USP10: variants seen among roughly 807,000 people sequenced by gnomAD.
The protein encoded by USP10 is ubiquitin carboxyl-terminal hydrolase 10.
A neutral mutation model predicts 84.5 loss-of-function variants in USP10; 22 were observed. That is an observed-to-expected ratio of 0.26 (90% CI 0.19 to 0.37). The LOEUF is 0.37. Ranked by LOEUF, USP10 falls within the 10% of genes least tolerant of loss-of-function variation. The pLI, the probability that USP10 is intolerant of heterozygous loss-of-function variation, is 1.00. For missense variants in USP10, 1,019 were observed against 998.9 expected (o/e 1.02, Z -0.27); for synonymous variants, 454 against 387.6 (o/e 1.17, Z -2.01).
At chr16:84,767,845 A>G (rs1395575400) in intron 10 of USP10, among the ~76,000 whole-genome samples, 1 of 151,672 alleles carries the variant, frequency 6.6e-6, no homozygotes, top group Non-Finnish European at 1.5e-5. Context: ...TGGCAGGGTC[A>G]TGGGACAATA....
At chr16:84,774,479 T>G (rs181265280) in intron 12 of USP10, among the ~76,000 whole-genome samples, 20 of 151,968 alleles carry the variant, frequency 1.3e-4, no homozygotes, top group South Asian at 4.2e-4. Flanking sequence ...TTTGTTTTTT[T>G]TTTGTTTGTT....
At chr16:84,744,046 T>TTTG (rs141603150) in intron 3 of USP10, among the ~76,000 whole-genome samples, 30,041 of 151,560 alleles carry the variant, frequency 0.2, 3,568 homozygotes, top group East Asian at 0.37. Flanking sequence ...TATAGGATTC[T>TTTG]TTGTTGTTGT....
At chr16:84,700,324 G>A (rs1025494911) in intron 1 of USP10, among the ~76,000 whole-genome samples, 1 of 152,030 alleles carries the variant, frequency 6.6e-6, no homozygotes, top group African/African-American at 2.4e-5. Flanking sequence ...CCTAGTCCCG[G>A]GGAGGTCGAA....
Position 84,769,960 on chromosome 16 carries a change from C to T in USP10, c.1998+1602C>T, listed in dbSNP as rs371901526. ...TGGATGAAGGCTTCCAGAAAGAAGG[C>T]GGGCCAGGTGTGGTGGCTCACGCCC... is the stretch of plus-strand genomic sequence containing the variant. On this transcript the variant is annotated intron_variant, in intron 11 of 13. Transcript: ENST00000219473. Among the ~76,000 whole-genome samples, 218 of 152,136 alleles carry T rather than the reference C, an allele frequency of 1.4e-3. 3 individuals are homozygous for T. Among genetic ancestry groups the T allele is most frequent in the African/African-American group, 4.8e-3 (198 of 41,516 alleles).
intron 4 of USP10, among the ~76,000 whole-genome samples, chr16:84,748,526 G>A (rs4783056): frequency 0.7 from 106,104 of 151,780 alleles, 38,173 homozygotes; most frequent in East Asian, 0.95. Context: ...CTGGTCTTGA[G>A]CTCCTGACCT....
At chr16:84,766,035 A>T (rs1162205680) in intron 10 of USP10, among the ~76,000 whole-genome samples, 1 of 152,080 alleles carries the variant, frequency 6.6e-6, no homozygotes, top group African/African-American at 2.4e-5. Context: ...CTGGTATTTC[A>T]GTGACACTCT....
rs1910167531 is a variant in USP10 at position 84,738,095 on chromosome 16, C to CGTTGTGCTGG, written c.91-2214_91-2213insGTTGTGCTGG. Among the ~76,000 whole-genome samples, 3 of 53,272 alleles carry CGTTGTGCTGG rather than the reference C, an allele frequency of 5.6e-5. No homozygotes were observed. In the South Asian group the frequency reaches 3.9e-3, roughly 69 times the overall value. 34.9% of individuals were successfully genotyped at this position (53,272 alleles called of 152,430 possible). On this transcript the variant is annotated intron_variant, in intron 2 of 13. Transcript: ENST00000219473. ...TGAGCAGGGTTCTAACAGCTCTCTG[C>CGTTGTGCTGG]CTTGTGAAGTGGATGGGTGAAGAGG... is the stretch of plus-strand genomic sequence containing the variant.
Position 84,727,873 on chromosome 16 carries a change from AC to A in USP10, c.22-5561del, listed in dbSNP as rs777317712. On this transcript the variant is annotated intron_variant, in intron 1 of 13. Transcript: ENST00000219473. ...TTTCACAAATTTACATTGATGCAGT[AC>A]TTTTTTCTAACCTGTCCATATTCTA... 1.1e-4 allele frequency among the ~76,000 whole-genome samples: 17 copies of A among 152,362 alleles called. No homozygotes were observed. The East Asian group carries it at 1.2e-3, about 10-fold the overall frequency.
At chr16:84,709,933 C>A (rs1217065888) in intron 1 of USP10, among the ~76,000 whole-genome samples, 1 of 152,012 alleles carries the variant, frequency 6.6e-6, no homozygotes, top group Non-Finnish European at 1.5e-5. Flanking sequence ...ATTTGGTAAT[C>A]CAAGCTCAGG....
At chr16:84,746,653 C>G (rs1241828410) in intron 4 of USP10, among the ~76,000 whole-genome samples, 5 of 152,160 alleles carry the variant, frequency 3.3e-5, no homozygotes, top group African/African-American at 1.2e-4. Context: ...TGGAGTGGCT[C>G]TGGATGGGTC....
rs534806382 is a variant in USP10 at position 84,713,596 on chromosome 16, G to GA, written c.21+13487dup. Among the ~76,000 whole-genome samples the GA allele has an allele frequency of 2.6e-5, 4 of 152,310 alleles. No individual in the cohort carries two copies. The East Asian group carries it at 7.7e-4, about 29-fold the overall frequency. On this transcript the variant is annotated intron_variant, in intron 1 of 13. Transcript: ENST00000219473. ...TTCACTGCTGGGGCCCCTAGTCCTAGAATGTGGTGAGTGCTCAGTAAATAT... is the reference window on the plus strand; with the variant it reads ...TTCACTGCTGGGGCCCCTAGTCCTAGAAATGTGGTGAGTGCTCAGTAAATAT...
At chr16:84,701,752 C>T (rs1597250924) in intron 1 of USP10, among the ~76,000 whole-genome samples, 2 of 152,196 alleles carry the variant, frequency 1.3e-5, no homozygotes, top group Middle Eastern at 3.4e-3. Context: ...CCAGTATTTA[C>T]GTTTTATACA....
rs141884337 is a variant in USP10, at chr16:84,735,954, A to G, written c.90+2451A>G. On this transcript the variant is annotated intron_variant, in intron 2 of 13. Coordinates refer to ENST00000219473, the MANE Select transcript of USP10 (RefSeq NM_005153.3). ...CAGGAACTCACTTTCATGGGGCGGC[A>G]TGTGGTTGGGCCTGTGGGTGTGTGA... is the stretch of plus-strand genomic sequence containing the variant. Among the ~76,000 whole-genome samples, 21 of 134,262 alleles carry G rather than the reference A, an allele frequency of 1.6e-4. No individual in the cohort carries two copies. The East Asian group carries it at 5.0e-3, about 32-fold the overall frequency. 88.1% of individuals were successfully genotyped at this position (134,262 alleles called of 152,430 possible).
chr16:84,702,776 T>C (rs1905052161), intron 1 of USP10, among the ~76,000 whole-genome samples: 1 of 152,030 alleles, frequency 6.6e-6, no homozygotes, highest in Non-Finnish European at 1.5e-5. Flanking sequence ...GTGGATCACT[T>C]GAGGTCAGGG....
intron 1 of USP10, among the ~76,000 whole-genome samples, chr16:84,730,261 C>A (rs1239858456): frequency 6.6e-6 from 1 of 152,018 alleles, no homozygotes; most frequent in Non-Finnish European, 1.5e-5. Flanking sequence ...TATTATATAG[C>A]AACACAGATA....
At chr16:84,769,358 G>A (rs1242367951) in intron 11 of USP10, among the ~76,000 whole-genome samples, 1 of 152,154 alleles carries the variant, frequency 6.6e-6, no homozygotes, top group Non-Finnish European at 1.5e-5. Context: ...CCAGGCTCTG[G>A]GGGGATCAGT....
chr16:84,727,022 C>T (rs1040584376), intron 1 of USP10, among the ~76,000 whole-genome samples: 5 of 152,286 alleles, frequency 3.3e-5, no homozygotes, highest in East Asian at 1.9e-4. Flanking sequence ...CAGAGTTAGC[C>T]GCAGCAGTGT....
chr16:84,735,293 T>TA (rs769204828), intron 2 of USP10, among the ~76,000 whole-genome samples: 38 of 152,078 alleles, frequency 2.5e-4, no homozygotes, highest in Non-Finnish European at 4.6e-4. Flanking sequence ...CACACTGATG[T>TA]AACCATACGT....
chr16:84,755,246 G>A (rs960513952), intron 4 of USP10, among the ~76,000 whole-genome samples: 5 of 151,426 alleles, frequency 3.3e-5, no homozygotes, highest in African/African-American at 1.2e-4. Flanking sequence ...CCCACCTCTG[G>A]CATCTTCGCC....
Sources: gnomAD v4.1 joint callset for allele counts (sites outside exome capture counted in the v4.1 genomes callset) on GRCh38, gnomAD v4.1.1 for gene constraint, MANE v1.5 for transcripts, NCBI Gene and HGNC (gene_info 2026-07-23, HGNC 2026-07-21) for gene names.